Variants in DMXL2 observed in about 807,000 individuals in gnomAD.
DMXL2 encodes dmX-like protein 2.
DMXL2 carries 103 observed loss-of-function variants against 331.1 expected under a neutral mutation model. That is an observed-to-expected ratio of 0.31 (90% confidence interval 0.27 to 0.37). The LOEUF (loss-of-function observed/expected upper bound fraction) is 0.37, where lower values mean the gene tolerates loss of function less well. Among genes scored for constraint, DMXL2 ranks in the 10% least tolerant of loss-of-function variants. DMXL2 has a pLI of 1.00. For synonymous variants in DMXL2, 1,281 were observed against 1,252.1 expected (o/e 1.02, Z -0.49); for missense variants, 3,171 against 3,642.9 (o/e 0.87, Z 3.33).
chr15:51,461,235 A>AAG (rs1278622643), intron 33 of DMXL2, among the ~76,000 whole-genome samples: 1 of 152,166 alleles, frequency 6.6e-6, no homozygotes, highest in Non-Finnish European at 1.5e-5. Context: ...TGGAAGAAAA[A>AAG]TAGAACACAC....
chr15:51,458,419 C>A, intron 36 of DMXL2, 87 bp downstream of exon 36: 14 of 1,431,072 alleles, frequency 9.8e-6, no homozygotes, highest in Non-Finnish European at 1.3e-5. Context: ...ACACGTATAC[C>A]TTTTGAAATA....
chr15:51,469,185 T>C (rs188933859), intron 29 of DMXL2, among the ~76,000 whole-genome samples: 87 of 151,694 alleles, frequency 5.7e-4, no homozygotes, highest in African/African-American at 2.1e-3. Context: ...GTAGATCTAT[T>C]TAAAATCCTT....
chr15:51,608,903 G>C lies in DMXL2; in HGVS notation c.87+13556C>G, dbSNP rs566554815. ...TGTAAGAGAGGAAGGAAGAAACGAA[G>C]AGCAAAGTAACATATGGGTAAATCT... On this transcript the variant is annotated intron_variant, in intron 1 of 43. Coordinates refer to ENST00000560891, the MANE Select transcript of DMXL2 (RefSeq NM_001378457.1). Among the ~76,000 whole-genome samples the C allele has an allele frequency of 1.2e-4, 18 of 152,204 alleles. No individual in the cohort carries two copies. In the East Asian group the frequency reaches 2.1e-3, roughly 18 times the overall value.
chr15:51,468,424 A>C (rs954131430), intron 29 of DMXL2, among the ~76,000 whole-genome samples: 3 of 152,234 alleles, frequency 2.0e-5, no homozygotes, highest in African/African-American at 7.2e-5. Context: ...CCATGAGAAA[A>C]AAATAACTGC....
At chr15:51,455,521 T>G (rs1033225709) in intron 39 of DMXL2, among the ~76,000 whole-genome samples, 3 of 152,128 alleles carry the variant, frequency 2.0e-5, no homozygotes, top group Non-Finnish European at 2.9e-5. Flanking sequence ...GCCTCAACCT[T>G]CTGAGTAGCT....
chr15:51,606,531 G>A (rs1463912208), intron 1 of DMXL2, among the ~76,000 whole-genome samples: 3 of 152,174 alleles, frequency 2.0e-5, no homozygotes, highest in Non-Finnish European at 4.4e-5. Flanking sequence ...GCATCATTTA[G>A]ATGGTTTAGA....
intron 19 of DMXL2, among the ~76,000 whole-genome samples, chr15:51,494,333 A>G (rs779762253): frequency 6.6e-6 from 1 of 152,212 alleles, no homozygotes; most frequent in Non-Finnish European, 1.5e-5. Flanking sequence ...TCTAGGTTCT[A>G]TAATACTAAG....
At chr15:51,485,781 C>A (rs867593404) in intron 23 of DMXL2, among the ~76,000 whole-genome samples, 1 of 152,012 alleles carries the variant, frequency 6.6e-6, no homozygotes, top group African/African-American at 2.4e-5. Flanking sequence ...GCCCATGTGA[C>A]AAACCAATAC....
In DMXL2 at chr15:51,564,153, T is replaced by C; in HGVS notation, c.472A>G (p.Asn158Asp). The C allele has an allele frequency of 6.2e-7, 1 of 1,605,158 alleles. No individual in the cohort carries two copies. Among genetic ancestry groups the C allele is most frequent in the Non-Finnish European group, 8.5e-7 (1 of 1,176,634 alleles). ...EIDNTVPPVL[N>D]DWKCVWQCKT... Reference sequence around the variant, plus strand: ...CACTGCCAGACACACTTCCAATCATTTAAAACAGGAGGAACTGTATTATCA... The same window carrying C: ...CACTGCCAGACACACTTCCAATCATCTAAAACAGGAGGAACTGTATTATCA... Residue 158 changes from asparagine (N) to aspartate (D), a missense_variant, in exon 5 of 44, where the codon AAT (asparagine) becomes GAT (aspartate). Asn to Asp is a conservative substitution (Grantham distance 23). This residue lies in a region of DMXL2 where 1,674 missense variants were observed against 1,780.2 expected (regional missense o/e 0.94). Coordinates refer to ENST00000560891, the MANE Select transcript of DMXL2 (RefSeq NM_001378457.1).
chr15:51,515,284 A>G (rs2046973353), intron 14 of DMXL2, among the ~76,000 whole-genome samples: 1 of 152,208 alleles, frequency 6.6e-6, no homozygotes, highest in Non-Finnish European at 1.5e-5. Flanking sequence ...TTATTTTGGA[A>G]GTGTATTAAG....
At position 51,610,496 on chromosome 15, in the gene DMXL2, C is replaced by T. The variant is rs370369488; in HGVS notation, c.87+11963G>A. Among the ~76,000 whole-genome samples the T allele has an allele frequency of 1.2e-4, 18 of 152,236 alleles. 1 individual carries two copies. The East Asian group carries it at 3.5e-3, about 29-fold the overall frequency. Reference sequence around the variant, plus strand: ...ATGAAACACTTATAAAGGCCAGGCACGGTGGCTCACGCCTGTAATCCCAGA... The same window carrying T: ...ATGAAACACTTATAAAGGCCAGGCATGGTGGCTCACGCCTGTAATCCCAGA... On this transcript the variant is annotated intron_variant, in intron 1 of 43. Transcript: ENST00000560891.
At chr15:51,450,633 A>C in intron 42 of DMXL2, 1 of 382,974 alleles carries the variant, frequency 2.6e-6, no homozygotes, top group Non-Finnish European at 4.9e-6. Context: ...AAAAGTATAC[A>C]GAAGAGCAGA....
At chr15:51,544,125 CACAG>C (rs1233226110) in intron 8 of DMXL2, among the ~76,000 whole-genome samples, 1 of 152,144 alleles carries the variant, frequency 6.6e-6, no homozygotes, top group Non-Finnish European at 1.5e-5. Flanking sequence ...AGCGCCCAAT[CACAG>C]ACAGTGATAT....
At position 51,458,540 on chromosome 15, in the gene DMXL2, A is replaced by C; in HGVS notation, c.8164T>G (p.Trp2722Gly). ...TCTCTGTCATATTCTTCTCCGATCC[A>C]TATGTATGACTGACAGGCCAGTAGA... ...TSLLACQSYI[W>G]IGEEYDRESK... The change falls in exon 36 of 44, where the codon TGG becomes GGG. Residue 2722 changes from tryptophan (W) to glycine (G), a missense_variant. This residue lies in a region of DMXL2 where 766 missense variants were observed against 940.5 expected (regional missense o/e 0.81). Transcript: ENST00000560891. The C allele has an allele frequency of 6.2e-7, 1 of 1,613,952 alleles. No individual in the cohort carries two copies. Among genetic ancestry groups the C allele is most frequent in the Non-Finnish European group, 8.5e-7 (1 of 1,179,870 alleles).
At chr15:51,508,647 A>G (rs1194567086) in intron 15 of DMXL2, among the ~76,000 whole-genome samples, 1 of 152,236 alleles carries the variant, frequency 6.6e-6, no homozygotes, top group Non-Finnish European at 1.5e-5. Flanking sequence ...TGATACTTAA[A>G]AGACAAAGAA....
intron 13 of DMXL2, among the ~76,000 whole-genome samples, chr15:51,531,304 G>C (rs1388228973): frequency 6.6e-6 from 1 of 152,128 alleles, no homozygotes; most frequent in Non-Finnish European, 1.5e-5. Flanking sequence ...TTCAATAAAT[G>C]GTGCCAGGAA....
chr15:51,607,400 G>A (rs1194327242), intron 1 of DMXL2, among the ~76,000 whole-genome samples: 4 of 152,082 alleles, frequency 2.6e-5, no homozygotes, highest in Non-Finnish European at 5.9e-5. Flanking sequence ...AGCTTGCAGT[G>A]AGCCGAGACC....
chr15:51,458,960 G>T, intron 34 of DMXL2, 165 bp from the exon 35 acceptor site: 1 of 638,434 alleles, frequency 1.6e-6, no homozygotes, highest in South Asian at 2.2e-5. Context: ...TTGAAAACTA[G>T]CTTTGGAAAA....
At chr15:51,526,670 T>G (rs1299491195) in intron 13 of DMXL2, among the ~76,000 whole-genome samples, 4 of 152,078 alleles carry the variant, frequency 2.6e-5, no homozygotes, top group African/African-American at 4.8e-5. Context: ...GACAACAAAT[T>G]CAGAATTCTA....
Sources: allele counts gnomAD v4.1 joint callset (sites outside exome capture counted in the v4.1 genomes callset), GRCh38; gene constraint gnomAD v4.1.1; regional missense constraint gnomAD v4.1.1; transcripts MANE v1.5; gene names NCBI Gene and HGNC (gene_info 2026-07-23, HGNC 2026-07-21).